The following C1orf21 variants were observed in gnomAD, a reference collection of about 807,000 sequenced individuals.
C1orf21 encodes uncharacterized protein C1orf21.
Under a neutral mutation model 18.7 loss-of-function variants are expected in C1orf21, and 3 were observed. The ratio of observed to expected loss-of-function variants is 0.16; its 90% CI spans 0.07 to 0.42. The LOEUF (loss-of-function observed/expected upper bound fraction) is 0.42. Among genes scored for constraint, C1orf21 ranks in the 10% least tolerant of loss-of-function variants. The pLI is 0.99. For missense variants in C1orf21, 104 were observed against 143.6 expected, an observed-to-expected ratio of 0.72 and a Z score of 1.41; for synonymous variants, 41 against 46.4, an observed-to-expected ratio of 0.88 and a Z score of 0.47.
At position 184,620,577 on chromosome 1, in the gene C1orf21, A is replaced by C. The variant is rs1659901421; in HGVS notation, c.*1021A>C. ...AGCAAATAAACCATCCTATTTTGTAACTCTCCCCCTTCAAAATGCTACATG... is the reference window on the plus strand; with the variant it reads ...AGCAAATAAACCATCCTATTTTGTACCTCTCCCCCTTCAAAATGCTACATG... On this transcript the variant is annotated 3_prime_UTR_variant, in exon 6 of 6. Transcript: ENST00000235307. The C allele has an allele frequency of 6.6e-6, 1 of 151,820 alleles. No homozygotes were observed. Among genetic ancestry groups the C allele is most frequent in the East Asian group, 1.9e-4 (1 of 5,144 alleles). 9.4% of individuals were successfully genotyped at this position (151,820 alleles called of 1,614,324 possible). A position where few individuals can be genotyped will look rare whatever the true frequency, so the allele number is the denominator to read the frequency against.
chr1:184,403,509 G>T (rs1301352692), intron 1 of C1orf21, among the ~76,000 whole-genome samples: 2 of 152,160 alleles, frequency 1.3e-5, no homozygotes, highest in African/African-American at 2.4e-5. Context: ...CTTGGGCAGG[G>T]TTATACATGA....
chr1:184,477,567 A>G lies in C1orf21; in HGVS notation c.58A>G (p.Lys20Glu). Residue 20 changes from lysine (K) to glutamate (E), a missense_variant, in exon 2 of 6, where the codon AAA (lysine) becomes GAA (glutamate). Coordinates refer to ENST00000235307, the MANE Select transcript of C1orf21 (RefSeq NM_030806.4). ...ATVQNEEEAQKGKNYQNGDVF... is the reference protein window; with the variant it reads ...ATVQNEEEAQEGKNYQNGDVF... ...TGTTCAAAATGAAGAGGAAGCCCAGAAAGGGAAAAACTACCAGAACGGAGA... is the reference window on the plus strand; with the variant it reads ...TGTTCAAAATGAAGAGGAAGCCCAGGAAGGGAAAAACTACCAGAACGGAGA... The G allele has an allele frequency of 3.7e-6, 6 of 1,614,086 alleles. No homozygotes were observed. The highest frequency in any genetic ancestry group is 5.1e-6 in the Non-Finnish European group (6 of 1,179,948).
intron 3 of C1orf21, among the ~76,000 whole-genome samples, chr1:184,517,725 C>T (rs1353914374): frequency 6.6e-6 from 1 of 152,052 alleles, no homozygotes; most frequent in African/African-American, 2.4e-5. Context: ...CTGAGGTGTT[C>T]CCCAAACTAA....
chr1:184,406,949 A>G (rs1297767303), intron 1 of C1orf21, among the ~76,000 whole-genome samples: 2 of 152,054 alleles, frequency 1.3e-5, no homozygotes, highest in East Asian at 1.9e-4. Flanking sequence ...GTGAGCCACC[A>G]TGCTAGGCCC....
At chr1:184,431,531 G>A (rs1656762328) in intron 1 of C1orf21, among the ~76,000 whole-genome samples, 1 of 152,082 alleles carries the variant, frequency 6.6e-6, no homozygotes, top group Non-Finnish European at 1.5e-5. Flanking sequence ...AGAAAACCTA[G>A]GCAATACCAT....
chr1:184,560,641 G>A (rs1658951379), intron 3 of C1orf21, among the ~76,000 whole-genome samples: 1 of 152,084 alleles, frequency 6.6e-6, no homozygotes, highest in African/African-American at 2.4e-5. Flanking sequence ...GTGGAGTGTG[G>A]GGGAGACGAT....
At chr1:184,494,372 T>C (rs1046466684) in intron 2 of C1orf21, among the ~76,000 whole-genome samples, 2 of 152,100 alleles carry the variant, frequency 1.3e-5, no homozygotes, top group Admixed American at 6.5e-5. Context: ...CTAAAGGTAA[T>C]AGAAGTCAGG....
chr1:184,607,029 CCT>C (rs1659655795), intron 5 of C1orf21, among the ~76,000 whole-genome samples: 1 of 152,176 alleles, frequency 6.6e-6, no homozygotes, highest in Non-Finnish European at 1.5e-5. Flanking sequence ...GCACTTTATT[CCT>C]CTCTTTCACA....
At chr1:184,550,826 C>G (rs1265620758) in intron 3 of C1orf21, among the ~76,000 whole-genome samples, 1 of 152,116 alleles carries the variant, frequency 6.6e-6, no homozygotes, top group Non-Finnish European at 1.5e-5. Context: ...CATGAGTTGC[C>G]GCACCAGGCT....
At chr1:184,490,670 A>T (rs1657804385) in intron 2 of C1orf21, among the ~76,000 whole-genome samples, 1 of 152,188 alleles carries the variant, frequency 6.6e-6, no homozygotes, top group Admixed American at 6.5e-5. Flanking sequence ...CATGTTAGGG[A>T]TTGGCAGTTA....
At chr1:184,513,665 G>C (rs1658184556) in intron 3 of C1orf21, among the ~76,000 whole-genome samples, 1 of 152,214 alleles carries the variant, frequency 6.6e-6, no homozygotes, top group Admixed American at 6.5e-5. Flanking sequence ...CCAAGAGCTG[G>C]TTTGCTGGTT....
At chr1:184,495,917 C>CA (rs764285547) in intron 2 of C1orf21, among the ~76,000 whole-genome samples, 1,992 of 49,910 alleles carry the variant, frequency 0.04, 76 homozygotes, top group Middle Eastern at 0.067. Context: ...GACTCTGTCT[C>CA]AAAAAAAAAA....
chr1:184,578,621 C>T (rs1659227835), intron 3 of C1orf21, among the ~76,000 whole-genome samples: 1 of 152,164 alleles, frequency 6.6e-6, no homozygotes, highest in Non-Finnish European at 1.5e-5. Flanking sequence ...ATCATCAATA[C>T]AGTTTTTTCT....
At chr1:184,438,280 C>T (rs1336293214) in intron 1 of C1orf21, among the ~76,000 whole-genome samples, 1 of 119,100 alleles carries the variant, frequency 8.4e-6, no homozygotes, top group Non-Finnish European at 1.6e-5. Flanking sequence ...TGAGGAGGTG[C>T]TATTTTGAGA....
chr1:184,451,405 C>T (rs1054442898), intron 1 of C1orf21, among the ~76,000 whole-genome samples: 1 of 151,850 alleles, frequency 6.6e-6, no homozygotes, highest in Non-Finnish European at 1.5e-5. Context: ...ACCCTCCTAC[C>T]TCAGGTTCTC....
At chr1:184,437,194 C>T (rs376225609) in intron 1 of C1orf21, among the ~76,000 whole-genome samples, 14 of 152,110 alleles carry the variant, frequency 9.2e-5, no homozygotes, top group African/African-American at 2.7e-4. Flanking sequence ...GTCTCCCTCT[C>T]GTACCCCCCT....
chr1:184,609,935 A>G (rs1008150618), intron 5 of C1orf21, among the ~76,000 whole-genome samples: 1 of 152,240 alleles, frequency 6.6e-6, no homozygotes, highest in Non-Finnish European at 1.5e-5. Context: ...CAATGTTTTC[A>G]TGTTTGTAAA....
At chr1:184,463,185 G>T (rs1353141456) in intron 1 of C1orf21, among the ~76,000 whole-genome samples, 1 of 151,916 alleles carries the variant, frequency 6.6e-6, no homozygotes, top group African/African-American at 2.4e-5. Flanking sequence ...GCTCAGCTAT[G>T]ACCTAGACTT....
intron 1 of C1orf21, among the ~76,000 whole-genome samples, chr1:184,393,116 G>C (rs1655999020): frequency 6.6e-6 from 1 of 151,972 alleles, no homozygotes; most frequent in Non-Finnish European, 1.5e-5. Context: ...CAGCCACTGT[G>C]TCAGGCTCCC....
Sources: allele counts gnomAD v4.1 joint callset (sites outside exome capture counted in the v4.1 genomes callset), GRCh38; gene constraint gnomAD v4.1.1; transcripts MANE v1.5; gene names NCBI Gene and HGNC (gene_info 2026-07-23, HGNC 2026-07-21).